CDH12: variants seen among roughly 807,000 people sequenced by gnomAD.
CDH12 encodes cadherin-12.
CDH12 carries 41 observed loss-of-function variants against 74.1 expected under a neutral mutation model. That is an observed-to-expected ratio of 0.55 (90% confidence interval 0.43 to 0.72). The LOEUF is 0.72. Among genes scored for constraint, CDH12 ranks in the 30% least tolerant of loss-of-function variants. CDH12 has a pLI of 0.00. For missense variants in CDH12, 945 were observed against 977.2 expected, an observed-to-expected ratio of 0.97 and a Z score of 0.44; for synonymous variants, 399 against 355.0, an observed-to-expected ratio of 1.12 and a Z score of -1.39.
chr5:22,007,541 A>C (rs576395119), intron 5 of CDH12, among the ~76,000 whole-genome samples: 1 of 152,294 alleles, frequency 6.6e-6, no homozygotes, highest in South Asian at 2.1e-4. Context: ...ATTTTAGAAA[A>C]ATAAAACATT....
intron 8 of CDH12, among the ~76,000 whole-genome samples, chr5:21,833,132 A>T (rs1218297063): frequency 1.4e-4 from 6 of 43,340 alleles, no homozygotes; most frequent in Admixed American, 3.9e-4. Context: ...ATATTATATT[A>T]TAAATATATA....
intron 1 of CDH12, among the ~76,000 whole-genome samples, chr5:22,697,269 T>C (rs952707440): frequency 6.6e-6 from 1 of 151,940 alleles, no homozygotes; most frequent in African/African-American, 2.4e-5. Context: ...GAAACATTGT[T>C]TTATATAAAA....
intron 4 of CDH12, among the ~76,000 whole-genome samples, chr5:22,087,849 C>T (rs1288823534): frequency 2.0e-5 from 3 of 152,144 alleles, no homozygotes; most frequent in Admixed American, 1.3e-4. Flanking sequence ...AATGCTCCTA[C>T]AGGGATAGAT....
intron 1 of CDH12, among the ~76,000 whole-genome samples, chr5:22,665,056 G>C (rs180823801): frequency 4.5e-4 from 68 of 152,182 alleles, no homozygotes; most frequent in African/African-American, 1.6e-3. Flanking sequence ...CTGGACTCAA[G>C]TAATCCTCCC....
intron 1 of CDH12, among the ~76,000 whole-genome samples, chr5:22,603,945 T>C (rs1415079520): frequency 1.3e-5 from 2 of 152,208 alleles, no homozygotes; most frequent in East Asian, 3.9e-4. Flanking sequence ...GGAGTGATGC[T>C]AGTGAGGCCA....
chr5:22,449,311 C>G (rs1272624018), intron 2 of CDH12, among the ~76,000 whole-genome samples: 1 of 151,962 alleles, frequency 6.6e-6, no homozygotes, highest in African/African-American at 2.4e-5. Flanking sequence ...GTGAGTGTCT[C>G]TTTACAGGAA....
At chr5:21,916,301 TTAAGG>T (rs1754090852) in intron 6 of CDH12, among the ~76,000 whole-genome samples, 1 of 152,168 alleles carries the variant, frequency 6.6e-6, no homozygotes, top group African/African-American at 2.4e-5. Context: ...AATTAGGAAC[TTAAGG>T]TAAGTTTCAT....
intron 1 of CDH12, among the ~76,000 whole-genome samples, chr5:22,830,094 T>G (rs895223211): frequency 6.6e-6 from 1 of 152,196 alleles, no homozygotes; most frequent in Non-Finnish European, 1.5e-5. Context: ...ATAAAATGAA[T>G]GTCTTCCTCA....
At chr5:22,306,733 T>G (rs1317991536) in intron 3 of CDH12, among the ~76,000 whole-genome samples, 1 of 152,124 alleles carries the variant, frequency 6.6e-6, no homozygotes, top group East Asian at 1.9e-4. Flanking sequence ...TAACCTGTTT[T>G]TAAAGTTTTT....
At chr5:22,019,386 T>C (rs943656845) in intron 5 of CDH12, among the ~76,000 whole-genome samples, 4 of 152,180 alleles carry the variant, frequency 2.6e-5, no homozygotes, top group East Asian at 1.9e-4. Flanking sequence ...ATCACAAACA[T>C]CACTTGGTCC....
chr5:22,164,784 T>G lies in CDH12; in HGVS notation c.-187+47714A>C, dbSNP rs562048880. The stretch of plus-strand genomic sequence containing the variant: ...CTGATTGGACAGCTGTGAGCTCAGT[T>G]GCAAGCCCCGTGTTTAAAGGTGGAT... On this transcript the variant is annotated intron_variant, in intron 4 of 14. Transcript: ENST00000382254. Among the ~76,000 whole-genome samples, 38 of 143,980 alleles carry G rather than the reference T, an allele frequency of 2.6e-4. No homozygotes were observed. The East Asian group carries it at 7.8e-3, about 30-fold the overall frequency. 94.5% of individuals were successfully genotyped at this position (143,980 alleles called of 152,430 possible). A position where few individuals can be genotyped will look rare whatever the true frequency, so the allele number is the denominator to read the frequency against.
rs1160017438 is a variant in CDH12 at position 22,265,629 on chromosome 5, G to A, written c.-332-52986C>T. Among the ~76,000 whole-genome samples, 3 of 152,084 alleles carry A rather than the reference G, an allele frequency of 2.0e-5. No individual in the cohort carries two copies. The East Asian group carries it at 5.8e-4, about 29-fold the overall frequency. On this transcript the variant is annotated intron_variant, in intron 3 of 14. Transcript: ENST00000382254. ...TTTAGAAGTCATCAGTTGTAGATAA[G>A]AAGGCACAGTTTCTGTTTCCAGGAA...
intron 1 of CDH12, among the ~76,000 whole-genome samples, chr5:22,780,271 T>C (rs928595657): frequency 1.3e-5 from 2 of 152,104 alleles, no homozygotes; most frequent in South Asian, 2.1e-4. Context: ...CATGCCTGTA[T>C]TCCTGGGTAC....
intron 3 of CDH12, among the ~76,000 whole-genome samples, chr5:22,275,562 A>C (rs115410279): frequency 0.025 from 3,836 of 152,256 alleles, 69 homozygotes; most frequent in African/African-American, 0.052. Flanking sequence ...ATTGGGGTCT[A>C]TATTAGAAGA....
At chr5:22,624,812 A>G (rs1434774612) in intron 1 of CDH12, among the ~76,000 whole-genome samples, 2 of 152,224 alleles carry the variant, frequency 1.3e-5, no homozygotes, top group Non-Finnish European at 2.9e-5. Flanking sequence ...ATTACTGGGT[A>G]TATACCCAAA....
chr5:22,521,482 A>G (rs1040823684), intron 1 of CDH12, among the ~76,000 whole-genome samples: 1 of 152,164 alleles, frequency 6.6e-6, no homozygotes, highest in Non-Finnish European at 1.5e-5. Context: ...CCCTGAATCA[A>G]CTTCCAGATA....
At chr5:22,101,408 C>T (rs1332714707) in intron 4 of CDH12, among the ~76,000 whole-genome samples, 1 of 152,054 alleles carries the variant, frequency 6.6e-6, no homozygotes, top group Admixed American at 6.6e-5. Flanking sequence ...AACTGTTTTT[C>T]TTCTTCTTCT....
At chr5:22,409,953 A>C (rs1316692170) in intron 2 of CDH12, among the ~76,000 whole-genome samples, 1 of 152,128 alleles carries the variant, frequency 6.6e-6, no homozygotes, top group African/African-American at 2.4e-5. Flanking sequence ...GCATTATAAA[A>C]GTGCGGATGA....
intron 5 of CDH12, among the ~76,000 whole-genome samples, chr5:22,016,486 C>T (rs2150157144): frequency 6.6e-6 from 1 of 152,036 alleles, no homozygotes; most frequent in East Asian, 1.9e-4. Flanking sequence ...ACCTCCGCCT[C>T]CTGGGTTCAA....
Sources: gnomAD v4.1 joint callset for allele counts (sites outside exome capture counted in the v4.1 genomes callset) on GRCh38, gnomAD v4.1.1 for gene constraint, MANE v1.5 for transcripts, NCBI Gene and HGNC (gene_info 2026-07-23, HGNC 2026-07-21) for gene names.